Variants in KIRREL3 observed in about 807,000 individuals in gnomAD.
KIRREL3 encodes the protein kin of IRRE-like protein 3.
A neutral mutation model predicts 89.7 loss-of-function variants in KIRREL3; 36 were observed. That is an observed-to-expected ratio of 0.40 (90% CI 0.31 to 0.53). KIRREL3 has a LOEUF of 0.53. Ranked by LOEUF, KIRREL3 falls within the 20% of genes least tolerant of loss-of-function variation. The probability of loss-of-function intolerance (pLI) is 0.49; values close to 1 mark genes in which losing one functional copy is unlikely to be tolerated. For synonymous variants in KIRREL3, 445 were observed against 441.4 expected, an observed-to-expected ratio of 1.01 and a Z score of -0.10; for missense variants, 864 against 1,056.6, an observed-to-expected ratio of 0.82 and a Z score of 2.53.
chr11:126,764,538 G>A lies in KIRREL3; in HGVS notation c.56-201626C>T, dbSNP rs1277074134. Among the ~76,000 whole-genome samples the A allele has an allele frequency of 6.6e-6, 1 of 152,140 alleles. No homozygotes were observed. Among genetic ancestry groups the A allele is most frequent in the Non-Finnish European group, 1.5e-5 (1 of 68,030 alleles). On this transcript the variant is annotated intron_variant, in intron 1 of 16. Transcript: ENST00000525144. This position sits in a 1 kb window ranked among gnomAD's most constrained non-coding sequence, Gnocchi z 4.2. ...AACAACCTTCTTTGCTGCACCCGCCGCTGCCTCATGAGGTTCCTGGCAGCT... is the reference window on the plus strand; with the variant it reads ...AACAACCTTCTTTGCTGCACCCGCCACTGCCTCATGAGGTTCCTGGCAGCT...
rs182170448 is a variant in KIRREL3 at position 126,774,771 on chromosome 11, G to A, written c.56-211859C>T. Among the ~76,000 whole-genome samples the A allele has an allele frequency of 1.1e-4, 17 of 152,302 alleles. No individual in the cohort carries two copies. In the East Asian group the frequency reaches 2.5e-3, roughly 23 times the overall value. On this transcript the variant is annotated intron_variant, in intron 1 of 16. Transcript: ENST00000525144. ...CCAGGGCAGGGCTCTCTTGGAGACAGAGACGCTGACCCATCTTCTGAACCA... is the reference window on the plus strand; with the variant it reads ...CCAGGGCAGGGCTCTCTTGGAGACAAAGACGCTGACCCATCTTCTGAACCA...
intron 1 of KIRREL3, among the ~76,000 whole-genome samples, chr11:126,737,491 C>T (rs1948842497): frequency 6.6e-6 from 1 of 152,192 alleles, no homozygotes; most frequent in Non-Finnish European, 1.5e-5. Context: ...TCCTGAGTCA[C>T]ACCGCCCCAT....
At chr11:126,745,358 C>T (rs750407496) in intron 1 of KIRREL3, among the ~76,000 whole-genome samples, 10 of 151,790 alleles carry the variant, frequency 6.6e-5, no homozygotes, top group Non-Finnish European at 1.2e-4. Context: ...TTAAAAACAG[C>T]ATTTGGTTCA....
At chr11:126,816,246 A>G (rs544384556) in intron 1 of KIRREL3, among the ~76,000 whole-genome samples, 4 of 152,244 alleles carry the variant, frequency 2.6e-5, no homozygotes, top group Non-Finnish European at 4.4e-5. Flanking sequence ...GTAAATAACA[A>G]GGACAGTATG....
chr11:126,457,199 G>GTGTGTGTGTGTGTGTATGTGTA (rs1226334048), intron 6 of KIRREL3, among the ~76,000 whole-genome samples: 1 of 151,326 alleles, frequency 6.6e-6, no homozygotes, highest in African/African-American at 2.4e-5. Context: ...GTGTGTGTGT[G>GTGTGTGTGTGTGTGTATGTGTA]TGTGTGTGTG....
At chr11:126,770,430 C>T (rs1592102776) in intron 1 of KIRREL3, among the ~76,000 whole-genome samples, 1 of 152,292 alleles carries the variant, frequency 6.6e-6, no homozygotes, top group Non-Finnish European at 1.5e-5. Flanking sequence ...TGAGAGAGCT[C>T]AGACAGGATG....
At chr11:126,670,623 A>C (rs1371601637) in intron 1 of KIRREL3, among the ~76,000 whole-genome samples, 5 of 152,252 alleles carry the variant, frequency 3.3e-5, no homozygotes, top group Non-Finnish European at 7.3e-5. Flanking sequence ...GTGAATAAAC[A>C]GAAGTTAATT....
Position 126,569,980 on chromosome 11 carries a change from C to T in KIRREL3, c.56-7068G>A, listed in dbSNP as rs1168788197. On this transcript the variant is annotated intron_variant, in intron 1 of 16. Coordinates refer to ENST00000525144, the MANE Select transcript of KIRREL3 (RefSeq NM_032531.4). This position sits in a 1 kb window ranked among gnomAD's most constrained non-coding sequence, Gnocchi z 6.5. ...TACTCCTATTTTCAGCATAATTACT[C>T]ATATCCCAGGCAATAATAATGCCCA... 1.3e-5 allele frequency among the ~76,000 whole-genome samples: 2 copies of T among 152,158 alleles called. No individual in the cohort carries two copies. The highest frequency in any genetic ancestry group is 2.9e-5 in the Non-Finnish European group (2 of 68,026).
chr11:126,992,176 T>C (rs745361871), intron 1 of KIRREL3, among the ~76,000 whole-genome samples: 1 of 152,216 alleles, frequency 6.6e-6, no homozygotes, highest in Non-Finnish European at 1.5e-5. Context: ...ATAGAATGCA[T>C]CACCTACTCC....
Position 126,881,423 on chromosome 11 carries a change from AG to A in KIRREL3, c.55+119031del, listed in dbSNP as rs1036513863. ...CCCAGCCAACTGGCCTGGTTTAATC[AG>A]TCAGCGTCAAGCCCTGCGGTACTTT... On this transcript the variant is annotated intron_variant, in intron 1 of 16. Coordinates refer to ENST00000525144, the MANE Select transcript of KIRREL3 (RefSeq NM_032531.4). Among the ~76,000 whole-genome samples the A allele has an allele frequency of 0.012, 326 of 26,100 alleles. No individual in the cohort carries two copies. In the African/African-American group the frequency reaches 0.15, roughly 12 times the overall value. The allele number at this position is 26,100 out of a possible 152,430, so 17.1% of individuals were successfully genotyped here.
chr11:126,521,543 AC>A lies in KIRREL3; in HGVS notation c.284-80del. 1 of 1,334,344 alleles carries A rather than the reference AC, an allele frequency of 7.5e-7. No homozygotes were observed. 82.7% of individuals were successfully genotyped at this position (1,334,344 alleles called of 1,614,324 possible). On this transcript the variant is annotated intron_variant, in intron 3 of 16. Coordinates refer to ENST00000525144, the MANE Select transcript of KIRREL3 (RefSeq NM_032531.4). This position sits in a 1 kb window ranked among gnomAD's most constrained non-coding sequence, Gnocchi z 4.1. ...ATGACAAAGAGGCACAGAATGGAGG[AC>A]CCAAGCAGGGGCCATTCTACAAGGC...
intron 4 of KIRREL3, among the ~76,000 whole-genome samples, chr11:126,503,709 T>C (rs977304265): frequency 1.3e-4 from 20 of 152,122 alleles, no homozygotes; most frequent in African/African-American, 4.6e-4. Flanking sequence ...ATTAAGCTCA[T>C]CAGGGTGGAA....
At chr11:126,988,978 G>A (rs540309169) in intron 1 of KIRREL3, among the ~76,000 whole-genome samples, 11 of 152,126 alleles carry the variant, frequency 7.2e-5, no homozygotes, top group Non-Finnish European at 1.6e-4. Flanking sequence ...AAACACTAAC[G>A]CAGCTCTTGG....
intron 1 of KIRREL3, among the ~76,000 whole-genome samples, chr11:126,749,614 G>A (rs1949269247): frequency 6.7e-6 from 1 of 148,902 alleles, no homozygotes; most frequent in Admixed American, 6.9e-5. Context: ...GTTTCAATTC[G>A]TTCTCCCCAC....
At chr11:126,767,403 G>A (rs951506520) in intron 1 of KIRREL3, among the ~76,000 whole-genome samples, 1 of 152,178 alleles carries the variant, frequency 6.6e-6, no homozygotes, top group Admixed American at 6.5e-5. Flanking sequence ...GGCTGAGTCA[G>A]CTTCTGGGAC....
At position 126,896,929 on chromosome 11, in the gene KIRREL3, T is replaced by C. The variant is rs1946182827; in HGVS notation, c.55+103526A>G. Among the ~76,000 whole-genome samples the C allele has an allele frequency of 6.6e-6, 1 of 152,168 alleles. No individual in the cohort carries two copies. Among genetic ancestry groups the C allele is most frequent in the Non-Finnish European group, 1.5e-5 (1 of 68,036 alleles). On this transcript the variant is annotated intron_variant, in intron 1 of 16. Coordinates refer to ENST00000525144, the MANE Select transcript of KIRREL3 (RefSeq NM_032531.4). The surrounding 1 kb of genome is among the most constrained non-coding windows in gnomAD (Gnocchi z 4.1). ...CATTGCCATTTCTTTTGCTTGATAT[T>C]TCTGGCTCCTTTCTTTTGTTACTCT...
chr11:126,649,224 T>C (rs494596), intron 1 of KIRREL3, among the ~76,000 whole-genome samples: 55,233 of 152,026 alleles, frequency 0.36, 10,836 homozygotes, highest in African/African-American at 0.5. Flanking sequence ...TAATTCAAGA[T>C]GGGATTTGGG....
intron 4 of KIRREL3, among the ~76,000 whole-genome samples, chr11:126,487,436 A>G (rs1447639550): frequency 2.6e-5 from 4 of 152,170 alleles, no homozygotes; most frequent in Non-Finnish European, 5.9e-5. Context: ...CAAGCAAAAC[A>G]CTTTCTCTAG....
chr11:126,602,288 T>C (rs1294447456), intron 1 of KIRREL3, among the ~76,000 whole-genome samples: 1 of 152,174 alleles, frequency 6.6e-6, no homozygotes, highest in East Asian at 1.9e-4. Context: ...CTTGGGGTTA[T>C]GGAGCCTGTG....
Sources: gnomAD v4.1 joint callset for allele counts (sites outside exome capture counted in the v4.1 genomes callset) on GRCh38, gnomAD v4.1.1 for gene constraint, Gnocchi (gnomAD v3.1) non-coding constraint, MANE v1.5 for transcripts, NCBI Gene and HGNC (gene_info 2026-07-23, HGNC 2026-07-21) for gene names.